The following ENTREP2 variants were observed in gnomAD, a reference collection of about 807,000 sequenced individuals.
ENTREP2 encodes endosomal transmembrane epsin interactor 2, also known as protein ENTREP2.
the ENTREP2 span, among the ~76,000 whole-genome samples, chr15:29,432,074 C>CTAT: frequency 6.6e-6 from 1 of 152,148 alleles, no homozygotes; most frequent in Non-Finnish European, 1.5e-5. Flanking sequence ...GCAAAATGCA[C>CTAT]TTACCTTTAA....
At chr15:29,315,298 TC>T in the ENTREP2 span, among the ~76,000 whole-genome samples, 1 of 152,080 alleles carries the variant, frequency 6.6e-6, no homozygotes, top group Non-Finnish European at 1.5e-5. Context: ...CCATAAAAGA[TC>T]AATAAGGAAG....
chr15:29,642,527 CATAT>C, the ENTREP2 span, among the ~76,000 whole-genome samples: 6 of 147,420 alleles, frequency 4.1e-5, no homozygotes, highest in South Asian at 4.2e-4. Flanking sequence ...CATATATACA[CATAT>C]ATATCATATG....
At chr15:29,249,126 T>C in the ENTREP2 span, among the ~76,000 whole-genome samples, 1 of 151,968 alleles carries the variant, frequency 6.6e-6, no homozygotes, top group Non-Finnish European at 1.5e-5. Flanking sequence ...CTGGCCAACA[T>C]AGTGAAACCT....
chr15:29,600,930 C>CTTTTTT, the ENTREP2 span, among the ~76,000 whole-genome samples: 4 of 108,600 alleles, frequency 3.7e-5, no homozygotes, highest in African/African-American at 1.5e-4. Flanking sequence ...CAGAGTCTCG[C>CTTTTTT]TCTTTTGCCC....
chr15:29,139,268 C>T, the ENTREP2 span, among the ~76,000 whole-genome samples: 3 of 152,182 alleles, frequency 2.0e-5, no homozygotes, highest in Admixed American at 1.3e-4. Context: ...TCCTAACACA[C>T]GGAGCACACT....
the ENTREP2 span, among the ~76,000 whole-genome samples, chr15:29,443,117 G>A: frequency 6.6e-6 from 1 of 152,226 alleles, no homozygotes; most frequent in Non-Finnish European, 1.5e-5. Context: ...ACCTCTTGCT[G>A]GAACAGAGCA....
chr15:29,243,010 G>C, the ENTREP2 span, among the ~76,000 whole-genome samples: 1 of 152,228 alleles, frequency 6.6e-6, no homozygotes, highest in Non-Finnish European at 1.5e-5. Context: ...CTGCAGGCTA[G>C]CGAAGCTGGA....
chr15:29,535,584 G>C, the ENTREP2 span, among the ~76,000 whole-genome samples: 1 of 152,084 alleles, frequency 6.6e-6, no homozygotes, highest in Admixed American at 6.5e-5. Flanking sequence ...CAGCTAGTCG[G>C]GAAGCTGAAG....
the ENTREP2 span, among the ~76,000 whole-genome samples, chr15:29,632,431 CTTTT>C: frequency 6.6e-6 from 1 of 151,864 alleles, no homozygotes. Flanking sequence ...GTCAATGTTT[CTTTT>C]ATTTTCAAAT....
the ENTREP2 span, among the ~76,000 whole-genome samples, chr15:29,487,922 A>G: frequency 6.6e-6 from 1 of 152,188 alleles, no homozygotes; most frequent in African/African-American, 2.4e-5. Context: ...CAAACTCCTG[A>G]CCTCAAGTGA....
the ENTREP2 span, among the ~76,000 whole-genome samples, chr15:29,245,706 T>C: frequency 6.6e-6 from 1 of 152,000 alleles, no homozygotes; most frequent in East Asian, 1.9e-4. Flanking sequence ...GATAAAGAAA[T>C]ATAAGCAACT....
At chr15:29,130,052 G>GGTCT in the ENTREP2 span, among the ~76,000 whole-genome samples, 1 of 152,088 alleles carries the variant, frequency 6.6e-6, no homozygotes, top group Non-Finnish European at 1.5e-5. Flanking sequence ...TCAGATAGCT[G>GGTCT]GTCTCCTTCA....
At chr15:29,132,545 G>GC in the ENTREP2 span, among the ~76,000 whole-genome samples, 1 of 152,218 alleles carries the variant, frequency 6.6e-6, no homozygotes, top group African/African-American at 2.4e-5. Flanking sequence ...TTCGAGATCA[G>GC]CCTCTGACCT....
the ENTREP2 span, among the ~76,000 whole-genome samples, chr15:29,365,783 C>T: frequency 1.3e-5 from 2 of 151,374 alleles, no homozygotes; most frequent in Non-Finnish European, 2.9e-5. Flanking sequence ...TCTGACATTT[C>T]TGCAACCTAA....
At chr15:29,261,541 T>C in the ENTREP2 span, among the ~76,000 whole-genome samples, 2 of 152,080 alleles carry the variant, frequency 1.3e-5, no homozygotes, top group Non-Finnish European at 2.9e-5. Flanking sequence ...AAAGAAAACA[T>C]ACTGAATTCA....
chr15:29,617,785 C>T, the ENTREP2 span, among the ~76,000 whole-genome samples: 9 of 152,184 alleles, frequency 5.9e-5, no homozygotes, highest in African/African-American at 1.4e-4. Context: ...GGTCTCATCC[C>T]GATGGCTGCA....
chr15:29,443,212 C>T, the ENTREP2 span, among the ~76,000 whole-genome samples: 3 of 152,188 alleles, frequency 2.0e-5, no homozygotes, highest in Admixed American at 6.5e-5. Flanking sequence ...GCTCACCAGC[C>T]TCCTTGTCCC....
the ENTREP2 span, among the ~76,000 whole-genome samples, chr15:29,656,126 A>G: frequency 6.6e-6 from 1 of 152,168 alleles, no homozygotes; most frequent in Non-Finnish European, 1.5e-5. Context: ...CCCAGTGAAA[A>G]TATCTTACAA....
chr15:29,367,508 T>C, the ENTREP2 span, among the ~76,000 whole-genome samples: 13 of 152,162 alleles, frequency 8.5e-5, no homozygotes, highest in African/African-American at 3.1e-4. Flanking sequence ...GCAAACAATA[T>C]ATTAATCTAA....
Sources: gnomAD v4.1 joint callset for allele counts (sites outside exome capture counted in the v4.1 genomes callset) on GRCh38, gnomAD v4.1.1 for gene constraint, MANE v1.5 for transcripts, NCBI Gene and HGNC (gene_info 2026-07-23, HGNC 2026-07-21) for gene names.